Variants in BAZ1A observed in about 807,000 individuals in gnomAD.
BAZ1A encodes bromodomain adjacent to zinc finger domain protein 1A.
A neutral mutation model predicts 185.2 loss-of-function variants in BAZ1A; 50 were observed. That is an observed-to-expected ratio of 0.27 (90% CI 0.22 to 0.34). BAZ1A has a LOEUF of 0.34. Ranked by LOEUF, BAZ1A falls within the 10% of genes least tolerant of loss-of-function variation. The pLI is 1.00. For synonymous variants in BAZ1A, 571 were observed against 615.6 expected (o/e 0.93, Z 1.07); for missense variants, 1,356 against 1,839.9 (o/e 0.74, Z 4.81).
intron 25 of BAZ1A, among the ~76,000 whole-genome samples, chr14:34,755,905 C>T (rs954829999): frequency 2.6e-5 from 4 of 151,422 alleles, no homozygotes; most frequent in Non-Finnish European, 4.4e-5. Flanking sequence ...ATTGCAACCT[C>T]CACCTTCCAA....
intron 3 of BAZ1A, among the ~76,000 whole-genome samples, chr14:34,840,485 G>A (rs544771407): frequency 2.4e-4 from 36 of 152,208 alleles, no homozygotes; most frequent in Non-Finnish European, 5.1e-4. Context: ...TAGGCTGGGC[G>A]AGATGGCTCA....
chr14:34,863,644 C>T (rs1351419027), intron 2 of BAZ1A, among the ~76,000 whole-genome samples: 1 of 152,034 alleles, frequency 6.6e-6, no homozygotes, highest in African/African-American at 2.4e-5. Context: ...ATCTATATCA[C>T]AGAAAGATTT....
At chr14:34,771,378 TA>T in intron 21 of BAZ1A, 132 bp downstream of exon 21, 2 of 887,256 alleles carry the variant, frequency 2.3e-6, no homozygotes, top group Non-Finnish European at 1.7e-6. Context: ...AGAACTCATT[TA>T]AAAATGAAAA....
intron 3 of BAZ1A, among the ~76,000 whole-genome samples, chr14:34,856,128 G>C (rs1240538614): frequency 6.6e-6 from 1 of 152,104 alleles, no homozygotes; most frequent in Non-Finnish European, 1.5e-5. Flanking sequence ...ATCCAATCTG[G>C]CAAAGGTTAA....
intron 23 of BAZ1A, among the ~76,000 whole-genome samples, chr14:34,763,422 A>T (rs10130855): frequency 0.71 from 100,887 of 142,498 alleles, 35,280 homozygotes; most frequent in East Asian, 0.94. Context: ...TCAAATGTTT[A>T]AAAAAAAAAA....
intron 3 of BAZ1A, among the ~76,000 whole-genome samples, chr14:34,852,681 A>G (rs957501068): frequency 5.9e-5 from 9 of 152,196 alleles, no homozygotes; most frequent in Admixed American, 2.6e-4. Flanking sequence ...TAAGACATCT[A>G]CATGAATGGC....
intron 4 of BAZ1A, among the ~76,000 whole-genome samples, chr14:34,812,069 G>A (rs964695923): frequency 2.6e-5 from 4 of 152,122 alleles, no homozygotes; most frequent in African/African-American, 7.2e-5. Context: ...ACAGTGACGA[G>A]ATACAGGCAA....
chr14:34,800,425 T>C (rs1004065946), intron 8 of BAZ1A, 35 bp from the exon 9 acceptor site: 1 of 1,451,570 alleles, frequency 6.9e-7, no homozygotes, highest in African/African-American at 1.5e-5. Context: ...ACTATATATA[T>C]AGACAAAATA....
At chr14:34,830,720 GGAGA>G (rs1361709259) in intron 3 of BAZ1A, among the ~76,000 whole-genome samples, 2 of 150,844 alleles carry the variant, frequency 1.3e-5, no homozygotes, top group East Asian at 3.9e-4. Flanking sequence ...TAAATATAAA[GGAGA>G]GAGAGCATTG....
At chr14:34,835,460 A>G (rs1346523400) in intron 3 of BAZ1A, among the ~76,000 whole-genome samples, 2 of 151,448 alleles carry the variant, frequency 1.3e-5, no homozygotes, top group East Asian at 3.9e-4. Flanking sequence ...CTAATTTTCC[A>G]CTCTATTATT....
In BAZ1A at chr14:34,752,858, TAAGG is replaced by T. The variant is rs1322081367; in HGVS notation, c.*646_*649del. On this transcript the variant is annotated 3_prime_UTR_variant, in exon 27 of 27. Coordinates refer to ENST00000360310, the MANE Select transcript of BAZ1A (RefSeq NM_013448.3). ...GGTGTTACTTTTTTTGATTGATCAT[TAAGG>T]AAGTTAGAGGAATAAAAACACAGTA... is the stretch of plus-strand genomic sequence containing the variant. 5 of 152,236 alleles carry T rather than the reference TAAGG, an allele frequency of 3.3e-5. No individual in the cohort carries two copies. Among genetic ancestry groups the T allele is most frequent in the Admixed American group, 1.3e-4 (2 of 15,262 alleles). The allele number at this position is 152,236 out of a possible 1,614,324, so 9.4% of individuals were successfully genotyped here.
chr14:34,845,220 A>G (rs1241142508), intron 3 of BAZ1A: 4 of 148,740 alleles, frequency 2.7e-5, no homozygotes, highest in South Asian at 4.2e-4. Flanking sequence ...TACTCTTTTC[A>G]TTTTATTTAA....
chr14:34,795,797 T>C (rs963605510), intron 9 of BAZ1A, 32 bp from the exon 10 acceptor site: 20 of 1,529,734 alleles, frequency 1.3e-5, no homozygotes, highest in Non-Finnish European at 1.7e-5. Flanking sequence ...TAACAATTCA[T>C]GTAAGAAATT....
intron 11 of BAZ1A, 21 bp downstream of exon 11, chr14:34,794,728 A>G (rs1160649364): frequency 6.2e-7 from 1 of 1,600,222 alleles, no homozygotes; most frequent in African/African-American, 1.4e-5. Flanking sequence ...TAATGTAGCA[A>G]TAGATAACTA....
chr14:34,792,182 G>A (rs939132281), intron 12 of BAZ1A, among the ~76,000 whole-genome samples: 9 of 152,114 alleles, frequency 5.9e-5, no homozygotes, highest in East Asian at 5.8e-4. Flanking sequence ...TCAGAAGTTC[G>A]AGACCAGCCT....
rs1474109314 is a variant in BAZ1A at position 34,764,884 on chromosome 14, C to T, written c.3599G>A (p.Arg1200His). Reference protein sequence around the residue: ...WFCPECRPKQRSRRLSSRQRP... With the variant: ...WFCPECRPKQHSRRLSSRQRP... ...CTGTCTAGAGGAGAGTCTTCTAGAA[C>T]GTTGCTTTGGTCGACATTCTGGACA... is the stretch of plus-strand genomic sequence containing the variant. Residue 1200 changes from arginine to histidine, a missense_variant, in exon 23 of 27, where the codon CGT (arginine) becomes CAT (histidine). This residue lies in a region of BAZ1A where 309 missense variants were observed against 355.3 expected (regional missense o/e 0.87). Transcript: ENST00000360310. 8.1e-6 allele frequency: 13 copies of T among 1,614,140 alleles called. No individual in the cohort carries two copies. Among genetic ancestry groups the T allele is most frequent in the East Asian group, 2.2e-5 (1 of 44,874 alleles).
At chr14:34,869,452 A>G (rs1278266647) in intron 2 of BAZ1A, among the ~76,000 whole-genome samples, 1 of 152,206 alleles carries the variant, frequency 6.6e-6, no homozygotes, top group Non-Finnish European at 1.5e-5. Context: ...TATCTCAAAC[A>G]TCTGAAGATA....
At chr14:34,867,717 C>T (rs1376616401) in intron 2 of BAZ1A, among the ~76,000 whole-genome samples, 1 of 152,202 alleles carries the variant, frequency 6.6e-6, no homozygotes, top group Non-Finnish European at 1.5e-5. Context: ...CATGCTACCA[C>T]AGTGGCCAAT....
chr14:34,755,856 T>C (rs1201515671), intron 25 of BAZ1A, among the ~76,000 whole-genome samples: 1 of 151,480 alleles, frequency 6.6e-6, no homozygotes, highest in Non-Finnish European at 1.5e-5. Context: ...GGTCTTGCTC[T>C]GTCACCCAGG....
Sources: gnomAD v4.1 joint callset for allele counts (sites outside exome capture counted in the v4.1 genomes callset) on GRCh38, gnomAD v4.1.1 for gene constraint, gnomAD v4.1.1 regional missense constraint, MANE v1.5 for transcripts, NCBI Gene and HGNC (gene_info 2026-07-23, HGNC 2026-07-21) for gene names.